HELLS: variants seen among roughly 807,000 people sequenced by gnomAD.
The protein encoded by HELLS is helicase, lymphoid specific.
In HELLS, 32 loss-of-function variants were observed where a neutral mutation model predicts 120.0. The ratio of observed to expected loss-of-function variants is 0.27; its 90% confidence interval spans 0.20 to 0.36. The LOEUF (loss-of-function observed/expected upper bound fraction) is 0.36. HELLS is among the 10% of genes least tolerant of loss of function. HELLS has a pLI of 1.00. For synonymous variants in HELLS, 341 were observed against 323.4 expected, an observed-to-expected ratio of 1.05 and a Z score of -0.58; for missense variants, 650 against 993.4, an observed-to-expected ratio of 0.65 and a Z score of 4.65.
intron 19 of HELLS, among the ~76,000 whole-genome samples, chr10:94,595,734 C>A (rs931105657): frequency 6.6e-6 from 1 of 152,130 alleles, no homozygotes; most frequent in African/African-American, 2.4e-5. Context: ...ATAAAATTTT[C>A]TTTGAATAAA....
intron 12 of HELLS, among the ~76,000 whole-genome samples, chr10:94,584,958 C>T (rs769477439): frequency 3.9e-5 from 6 of 152,056 alleles, no homozygotes; most frequent in Non-Finnish European, 7.4e-5. Flanking sequence ...TAATGCATTA[C>T]TACAGGAAAA....
At chr10:94,550,482 A>T (rs1223652213) in intron 2 of HELLS, among the ~76,000 whole-genome samples, 2 of 151,938 alleles carry the variant, frequency 1.3e-5, no homozygotes, top group South Asian at 2.1e-4. Flanking sequence ...GGGTTTCAAC[A>T]TATTGGCCGG....
At chr10:94,565,792 A>G (rs1281282986) in intron 6 of HELLS, among the ~76,000 whole-genome samples, 2 of 152,230 alleles carry the variant, frequency 1.3e-5, no homozygotes, top group East Asian at 3.8e-4. Flanking sequence ...GTTTTGGGCA[A>G]ACTTTGTCAT....
At chr10:94,571,111 T>TTGA (rs1275248713) in intron 6 of HELLS, 1 of 242,258 alleles carries the variant, frequency 4.1e-6, no homozygotes, top group Non-Finnish European at 7.8e-6. Flanking sequence ...GAATTTGTAC[T>TTGA]TAATCTACTC....
In HELLS at chr10:94,582,227, C is replaced by T. The variant is rs578197716; in HGVS notation, c.1229+705C>T. ...GGGAATTTATTTCAAATCTGGTTAC[C>T]GAATGGTGGCTCAAGGCAGGCTACC... On this transcript the variant is annotated intron_variant, in intron 11 of 21. Coordinates refer to ENST00000348459, the MANE Select transcript of HELLS (RefSeq NM_018063.5). Among the ~76,000 whole-genome samples the T allele has an allele frequency of 1.1e-4, 16 of 152,106 alleles. 1 individual carries two copies. The South Asian group carries it at 1.7e-3, about 16-fold the overall frequency.
downstream of HELLS, among the ~76,000 whole-genome samples, chr10:94,602,972 C>T (rs1846081803): frequency 6.6e-6 from 1 of 152,162 alleles, no homozygotes; most frequent in South Asian, 2.1e-4. Context: ...CATTGCACGT[C>T]TCATATCTCC....
At chr10:94,594,406 T>C (rs1845644223) in intron 18 of HELLS, among the ~76,000 whole-genome samples, 1 of 152,186 alleles carries the variant, frequency 6.6e-6, no homozygotes, top group African/African-American at 2.4e-5. Flanking sequence ...GCTGGTCTTG[T>C]ATCCTCATAT....
chr10:94,594,468 C>T (rs969364051), intron 18 of HELLS, among the ~76,000 whole-genome samples: 2 of 152,234 alleles, frequency 1.3e-5, no homozygotes, highest in Admixed American at 6.5e-5. Context: ...AGTGAGTCAT[C>T]GTGCCCATCC....
At chr10:94,604,134 T>A (rs1308733420), downstream of HELLS, among the ~76,000 whole-genome samples, 1 of 151,616 alleles carries the variant, frequency 6.6e-6, no homozygotes, top group Non-Finnish European at 1.5e-5. Context: ...CTTTTTTTTT[T>A]TTTTTTTTTA....
At chr10:94,603,063 C>T (rs1284341620), downstream of HELLS, among the ~76,000 whole-genome samples, 1 of 152,240 alleles carries the variant, frequency 6.6e-6, no homozygotes, top group East Asian at 1.9e-4. Context: ...ACCGTTGCAT[C>T]TGTAAACCTA....
intron 10 of HELLS, among the ~76,000 whole-genome samples, chr10:94,578,618 C>T (rs888066258): frequency 1.3e-5 from 2 of 152,134 alleles, no homozygotes; most frequent in African/African-American, 4.8e-5. Context: ...TGCTTGAACC[C>T]GGGAGGCGGA....
chr10:94,571,171 C>A, intron 6 of HELLS: 5 of 357,146 alleles, frequency 1.4e-5, no homozygotes, highest in Middle Eastern at 7.7e-4. Context: ...ATGAAATATC[C>A]CATTGTATAA....
intron 3 of HELLS, among the ~76,000 whole-genome samples, chr10:94,554,853 C>T (rs1843173525): frequency 6.6e-6 from 1 of 151,932 alleles, no homozygotes; most frequent in South Asian, 2.1e-4. Flanking sequence ...ATGAGGTCTT[C>T]ATTAAAAACC....
At chr10:94,552,443 A>G (rs954463574) in intron 2 of HELLS, among the ~76,000 whole-genome samples, 3 of 152,194 alleles carry the variant, frequency 2.0e-5, no homozygotes, top group Non-Finnish European at 2.9e-5. Flanking sequence ...GATGTCATCT[A>G]TTTCCTGAAA....
intron 21 of HELLS, among the ~76,000 whole-genome samples, chr10:94,598,222 G>A (rs1256387224): frequency 6.6e-6 from 1 of 152,098 alleles, no homozygotes; most frequent in South Asian, 2.1e-4. Context: ...TGTATTCCGT[G>A]ACATTTTGGT....
At chr10:94,585,195 A>G (rs1845062167) in intron 12 of HELLS, among the ~76,000 whole-genome samples, 2 of 151,884 alleles carry the variant, frequency 1.3e-5, no homozygotes, top group South Asian at 4.1e-4. Flanking sequence ...TATAACCTTT[A>G]CAAATTAATT....
chr10:94,605,939 T>G (rs1846124205), downstream of HELLS, among the ~76,000 whole-genome samples: 2 of 152,170 alleles, frequency 1.3e-5, no homozygotes, highest in Admixed American at 1.3e-4. Context: ...GCCCGAATGC[T>G]GCTTTGATTT....
chr10:94,589,292 A>G (rs1408464837), intron 13 of HELLS, among the ~76,000 whole-genome samples: 1 of 152,232 alleles, frequency 6.6e-6, no homozygotes, highest in African/African-American at 2.4e-5. Flanking sequence ...TGGCAACTAG[A>G]CTAATCTCCA....
intron 4 of HELLS, among the ~76,000 whole-genome samples, chr10:94,561,383 C>T (rs1215223176): frequency 2.6e-5 from 4 of 152,156 alleles, no homozygotes; most frequent in African/African-American, 9.7e-5. Flanking sequence ...TTAATATATC[C>T]TTCACTTTAT....
Sources: allele counts gnomAD v4.1 joint callset (sites outside exome capture counted in the v4.1 genomes callset), GRCh38; gene constraint gnomAD v4.1.1; transcripts MANE v1.5; gene names NCBI Gene and HGNC (gene_info 2026-07-23, HGNC 2026-07-21).